Variants in COA1 observed in about 807,000 individuals in gnomAD.
COA1 encodes cytochrome c oxidase assembly factor 1 homolog.
In COA1, 13 loss-of-function variants were observed where a neutral mutation model predicts 16.0. The observed-to-expected ratio is 0.81, with a 90% confidence interval of 0.53 to 1.29. COA1 has a LOEUF of 1.29. COA1 is among the 50% of genes most tolerant of loss of function. COA1 has a pLI of 0.00. For missense variants in COA1, 179 were observed against 177.0 expected, an observed-to-expected ratio of 1.01 and a Z score of -0.06; for synonymous variants, 65 against 65.7, an observed-to-expected ratio of 0.99 and a Z score of 0.05.
chr7:43,624,688 CCATTGTAACCGAAGAGTT>C (rs777385170), intron 6 of COA1: 1 of 1,614,032 alleles, frequency 6.2e-7, no homozygotes, highest in Admixed American at 1.7e-5. Context: ...ACCAAGGAAT[CCATTGTAACCGAAGAGTT>C]AATTGTAGTT....
At chr7:43,693,161 A>C (rs1445868242) in intron 1 of COA1, among the ~76,000 whole-genome samples, 1 of 152,088 alleles carries the variant, frequency 6.6e-6, no homozygotes, top group Non-Finnish European at 1.5e-5. Flanking sequence ...TCTTCCCAGC[A>C]GGCCTGGAGA....
At chr7:43,689,237 G>T (rs533032545) in intron 1 of COA1, among the ~76,000 whole-genome samples, 1 of 152,368 alleles carries the variant, frequency 6.6e-6, no homozygotes, top group East Asian at 1.9e-4. Context: ...AAAGAGTCAT[G>T]TGAGTGGGAA....
chr7:43,714,458 T>G (rs935742776), intron 1 of COA1, among the ~76,000 whole-genome samples: 1 of 151,530 alleles, frequency 6.6e-6, no homozygotes, highest in Admixed American at 6.6e-5. Context: ...TGAAACCCCA[T>G]CTCTACTAAG....
At position 43,665,072 on chromosome 7, in the gene COA1, TAGG is replaced by T. The variant is rs201381404; in HGVS notation, c.-38-16423_-38-16421del. 7.1e-3 allele frequency among the ~76,000 whole-genome samples: 1,078 copies of T among 152,226 alleles called. 4 individuals are homozygous for T. The highest frequency in any genetic ancestry group is 0.024 in the African/African-American group (998 of 41,536). ...AAATAAAAAAGAAATATATGAAAAA[TAGG>T]AGAATTGCTCATTTCAAAAAACATT... is the stretch of plus-strand genomic sequence containing the variant. On this transcript the variant is annotated intron_variant, in intron 1 of 5. Transcript: ENST00000223336.
intron 1 of COA1, among the ~76,000 whole-genome samples, chr7:43,723,353 A>T (rs2095548158): frequency 6.6e-6 from 1 of 152,222 alleles, no homozygotes; most frequent in Non-Finnish European, 1.5e-5. Flanking sequence ...AGTTGAAAAA[A>T]GAATGATACA....
chr7:43,677,800 T>TA (rs11310207), intron 1 of COA1, among the ~76,000 whole-genome samples: 1,993 of 116,756 alleles, frequency 0.017, 22 homozygotes, highest in Non-Finnish European at 0.022. Context: ...GGCTCTGTCT[T>TA]AAAAAAAAAA....
At chr7:43,663,029 G>A (rs779233342) in intron 1 of COA1, among the ~76,000 whole-genome samples, 1 of 152,238 alleles carries the variant, frequency 6.6e-6, no homozygotes, top group East Asian at 1.9e-4. Context: ...TGGAGGTGGG[G>A]CTTGGTGGGA....
intron 1 of COA1, among the ~76,000 whole-genome samples, chr7:43,678,547 A>C (rs1310016536): frequency 2.6e-5 from 4 of 152,240 alleles, no homozygotes; most frequent in Non-Finnish European, 5.9e-5. Flanking sequence ...ACTGGAAAAA[A>C]TATTTGCAAC....
At chr7:43,720,817 T>C (rs1040598075) in intron 1 of COA1, among the ~76,000 whole-genome samples, 1 of 152,218 alleles carries the variant, frequency 6.6e-6, no homozygotes, top group African/African-American at 2.4e-5. Context: ...AATCCATTTT[T>C]TGGATGGGTT....
At chr7:43,613,295 T>C (rs911418466) in intron 6 of COA1, among the ~76,000 whole-genome samples, 4 of 152,186 alleles carry the variant, frequency 2.6e-5, no homozygotes, top group African/African-American at 9.6e-5. Context: ...AAGTATTTCA[T>C]TGAATCCACA....
intron 6 of COA1, among the ~76,000 whole-genome samples, chr7:43,619,066 T>C (rs2083608040): frequency 6.6e-6 from 1 of 152,150 alleles, no homozygotes; most frequent in Non-Finnish European, 1.5e-5. Context: ...ATTTCAACAA[T>C]ACAAGGATGC....
intron 1 of COA1, among the ~76,000 whole-genome samples, chr7:43,651,497 C>T (rs753897406): frequency 2.6e-5 from 4 of 152,144 alleles, no homozygotes; most frequent in Non-Finnish European, 4.4e-5. Flanking sequence ...GCAGCAGCTG[C>T]TCAAGCTGGC....
intron 6 of COA1, among the ~76,000 whole-genome samples, chr7:43,615,719 C>T (rs1391665190): frequency 1.3e-5 from 2 of 152,142 alleles, no homozygotes; most frequent in African/African-American, 4.8e-5. Flanking sequence ...CCCCTTTTGC[C>T]TTGTGCTGTC....
chr7:43,724,024 T>G (rs987837662), intron 1 of COA1, among the ~76,000 whole-genome samples: 98 of 152,354 alleles, frequency 6.4e-4, no homozygotes, highest in African/African-American at 2.4e-3. Flanking sequence ...TGCAATAATT[T>G]TAAAACTCAA....
chr7:43,634,072 C>G (rs533321122), intron 6 of COA1, among the ~76,000 whole-genome samples: 1 of 152,228 alleles, frequency 6.6e-6, no homozygotes, highest in East Asian at 1.9e-4. Flanking sequence ...CTAAGACTTC[C>G]TATTTTTTTC....
At chr7:43,715,689 GA>G in intron 1 of COA1, among the ~76,000 whole-genome samples, 1 of 152,232 alleles carries the variant, frequency 6.6e-6, no homozygotes, top group African/African-American at 2.4e-5. Flanking sequence ...TACAAAGGAT[GA>G]CAGTCTATAG....
At chr7:43,633,006 G>A (rs1437018287) in intron 6 of COA1, 1 of 152,198 alleles carries the variant, frequency 6.6e-6, no homozygotes, top group Non-Finnish European at 1.5e-5. Context: ...TAGTCAATGA[G>A]CATTGGCTTT....
Position 43,629,909 on chromosome 7 carries a change from AATT to A in COA1, c.*133+9537_*133+9539del, listed in dbSNP as rs533293408. On this transcript the variant is annotated intron_variant and NMD_transcript_variant, in intron 6 of 6. Coordinates refer to the COA1 transcript ENST00000415076. ...TTTAACGTCCAAAGTAGTTTTTAAA[AATT>A]ACTTTTGTGTAACTTAATTTTGGGT... is the stretch of plus-strand genomic sequence containing the variant. Among the ~76,000 whole-genome samples the A allele has an allele frequency of 3.0e-3, 463 of 152,318 alleles. 6 individuals are homozygous for A. The highest frequency in any genetic ancestry group is 0.01 in the African/African-American group (433 of 41,578).
intron 1 of COA1, among the ~76,000 whole-genome samples, chr7:43,706,058 T>C (rs1248430141): frequency 6.6e-6 from 1 of 152,182 alleles, no homozygotes; most frequent in Non-Finnish European, 1.5e-5. Flanking sequence ...AGGCTCTTCC[T>C]AGCTGCCTCT....
Sources: allele counts gnomAD v4.1 joint callset (sites outside exome capture counted in the v4.1 genomes callset), GRCh38; gene constraint gnomAD v4.1.1; transcripts MANE v1.5; gene names NCBI Gene and HGNC (gene_info 2026-07-23, HGNC 2026-07-21).